The following TAS2R8 variants were observed in gnomAD, a reference collection of about 807,000 sequenced individuals.
TAS2R8 encodes the protein taste receptor type 2 member 8.
For missense variants in TAS2R8, 396 were observed against 358.1 expected (o/e 1.11, Z -0.85); for synonymous variants, 139 against 123.9 (o/e 1.12, Z -0.81).
Position 10,806,588 on chromosome 12 carries a change from G to A in TAS2R8, c.393C>T (p.His131=). Residue 131 remains histidine (H), a synonymous_variant, in exon 1 of 1, where the codon CAC becomes CAT. Transcript: ENST00000240615. ...TGGCAAAGCATCCCAGCAGGATCCA[G>A]TGCACCACCATATCAATTTTCCACT... ...WLKWKIDMVV[H]WILLGCFAIS... is the part of the protein sequence containing the mutation. 6.2e-7 allele frequency: 1 copy of A among 1,613,902 alleles called. No individual in the cohort carries two copies. The highest frequency in any genetic ancestry group is 8.5e-7 in the Non-Finnish European group (1 of 1,179,906).
Position 10,806,486 on chromosome 12 carries a change from T to C in TAS2R8, c.495A>G (p.Lys165=), listed in dbSNP as rs914388228. The C allele has an allele frequency of 6.8e-6, 11 of 1,613,760 alleles. No homozygotes were observed. Among genetic ancestry groups the C allele is most frequent in the African/African-American group, 1.3e-5 (1 of 74,902 alleles). ...DYRFHAIAKH[K]RNITEMFHVS... The stretch of plus-strand genomic sequence containing the variant: ...CATGGAACATTTCAGTAATGTTTCT[T>C]TTATGTTTGGCAATTGCATGAAACC... Residue 165 remains lysine, a synonymous_variant, in exon 1 of 1, where the codon AAA becomes AAG. Coordinates refer to ENST00000240615, the MANE Select transcript of TAS2R8 (RefSeq NM_023918.3).
Position 10,807,157 on chromosome 12 carries a change from C to T in TAS2R8, c.-177G>A, listed in dbSNP as rs1948732816. 1 of 577,200 alleles carries T rather than the reference C, an allele frequency of 1.7e-6. No homozygotes were observed. Among genetic ancestry groups the T allele is most frequent in the Admixed American group, 3.4e-5 (1 of 29,080 alleles). 35.8% of individuals were successfully genotyped at this position (577,200 alleles called of 1,614,324 possible). A position where few individuals can be genotyped will look rare whatever the true frequency, so the allele number is the denominator to read the frequency against. ...CAGCTCTCCTCTGAAATAGGATTGT[C>T]TCTACACTCCTGAAGATGAAACCAA... On this transcript the variant is annotated 5_prime_UTR_variant, in exon 1 of 1. Coordinates refer to ENST00000240615, the MANE Select transcript of TAS2R8 (RefSeq NM_023918.3).
At position 10,806,453 on chromosome 12, in the gene TAS2R8, T is replaced by G; in HGVS notation, c.528A>C (p.Lys176Asn). ...RNITEMFHVSKIPYFEPLTLF... is the reference protein window; with the variant it reads ...RNITEMFHVSNIPYFEPLTLF... ...GAGTCAAGGGTTCAAAGTATGGTAT[T>G]TTACTCACATGGAACATTTCAGTAA... The change falls in exon 1 of 1, where the codon AAA becomes AAC. Residue 176 changes from lysine to asparagine, a missense_variant. By Grantham distance (94) the Lys-to-Asn change is moderately conservative. Transcript: ENST00000240615. The G allele has an allele frequency of 6.2e-7, 1 of 1,613,768 alleles. No individual in the cohort carries two copies. Among genetic ancestry groups the G allele is most frequent in the Non-Finnish European group, 8.5e-7 (1 of 1,179,840 alleles).
In TAS2R8 at chr12:10,807,042, C is replaced by T. The variant is rs1222958249; in HGVS notation, c.-62G>A. ...GTAGATGAGCTAATTTACAGGTGAC[C>T]TGTTAAAGCATGATAGATCAATTCT... On this transcript the variant is annotated 5_prime_UTR_variant, in exon 1 of 1. Coordinates refer to ENST00000240615, the MANE Select transcript of TAS2R8 (RefSeq NM_023918.3). The T allele has an allele frequency of 7.7e-7, 1 of 1,305,182 alleles. No individual in the cohort carries two copies. Among genetic ancestry groups the T allele is most frequent in the South Asian group, 1.4e-5 (1 of 71,686 alleles). The allele number at this position is 1,305,182 out of a possible 1,614,324, so 80.9% of individuals were successfully genotyped here.
At position 10,806,271 on chromosome 12, in the gene TAS2R8, A is replaced by G. The variant is rs765014410; in HGVS notation, c.710T>C (p.Met237Thr). The change falls in exon 1 of 1, where the codon ATG (methionine) becomes ACG (threonine). Residue 237 changes from methionine (M) to threonine (T), a missense_variant. Physicochemically the swap from Met to Thr is moderately conservative, Grantham distance 81. Coordinates refer to ENST00000240615, the MANE Select transcript of TAS2R8 (RefSeq NM_023918.3). ...TEVHVRAIKT[M>T]TSFIFFFFLY... is the part of the protein sequence containing the mutation. ...GAAAAAAAAGAAGATAAATGAAGTC[A>G]TAGTTTTAATGGCTCTCACATGAAC... The G allele has an allele frequency of 5.6e-6, 9 of 1,613,398 alleles. No homozygotes were observed. The highest frequency in any genetic ancestry group is 3.3e-4 in the Middle Eastern group (2 of 6,072).
chr12:10,806,809 A>G lies in TAS2R8; in HGVS notation c.172T>C (p.Leu58=). 1 of 1,613,882 alleles carries G rather than the reference A, an allele frequency of 6.2e-7. No individual in the cohort carries two copies. The highest frequency in any genetic ancestry group is 8.5e-7 in the Non-Finnish European group (1 of 1,179,892). Reference sequence around the variant, plus strand: ...CCATTTACAACCATTACACTGATCAAACAAATTCTGGCGATAACTAAATTG... The same window carrying G: ...CCATTTACAACCATTACACTGATCAGACAAATTCTGGCGATAACTAAATTG... ...LTNLVIARIC[L]ISVMVVNGIV... The change falls in exon 1 of 1, where the codon TTG becomes CTG. Residue 58 remains leucine, a synonymous_variant. Transcript: ENST00000240615.
rs2537817 is a variant in TAS2R8, at chr12:10,806,059, T to C, written c.922A>G (p.Met308Val). ...TTTATACAGCTAAGATTTCATATCATGCAGGCAATTTTTCTACATGTCAGC... is the reference window on the plus strand; with the variant it reads ...TTTATACAGCTAAGATTTCATATCACGCAGGCAATTTTTCTACATGTCAGC... ...RMLTCRKIAC[M>V]I The change falls in exon 1 of 1, where the codon ATG becomes GTG. Residue 308 changes from methionine (M) to valine (V), a missense_variant. Physicochemically the swap from Met to Val is conservative, Grantham distance 21. Transcript: ENST00000240615. The C allele has an allele frequency of 0.98, 1,548,235 of 1,587,342 alleles. 760,425 individuals carry two copies. The highest frequency in any genetic ancestry group is 1 in the East Asian group (44,635 of 44,636).
At position 10,806,295 on chromosome 12, in the gene TAS2R8, A is replaced by C. The variant is rs1948722363; in HGVS notation, c.686T>G (p.Val229Gly). 1 of 1,613,584 alleles carries C rather than the reference A, an allele frequency of 6.2e-7. No individual in the cohort carries two copies. Among genetic ancestry groups the C allele is most frequent in the African/African-American group, 1.3e-5 (1 of 74,880 alleles). ...ATGSRDPSTEVHVRAIKTMTS... is the reference protein window; with the variant it reads ...ATGSRDPSTEGHVRAIKTMTS... Reference sequence around the variant, plus strand: ...CATAGTTTTAATGGCTCTCACATGAACTTCTGTGCTGGGGTCTCTACTGCC... The same window carrying C: ...CATAGTTTTAATGGCTCTCACATGACCTTCTGTGCTGGGGTCTCTACTGCC... The change falls in exon 1 of 1, where the codon GTT becomes GGT. Residue 229 changes from valine (V) to glycine (G), a missense_variant. Val to Gly is a moderately radical substitution (Grantham distance 109, BLOSUM62 -3). Transcript: ENST00000240615.
In TAS2R8 at chr12:10,806,281, T is replaced by C; in HGVS notation, c.700A>G (p.Ile234Val). ...DPSTEVHVRA[I>V]KTMTSFIFFF... is the part of the protein sequence containing the mutation. The stretch of plus-strand genomic sequence containing the variant: ...AAGATAAATGAAGTCATAGTTTTAA[T>C]GGCTCTCACATGAACTTCTGTGCTG... The change falls in exon 1 of 1, where the codon ATT (isoleucine) becomes GTT (valine). Residue 234 changes from isoleucine to valine, a missense_variant. Ile to Val is a conservative substitution (Grantham distance 29). Transcript: ENST00000240615. The C allele has an allele frequency of 1.2e-6, 2 of 1,613,706 alleles. No individual in the cohort carries two copies. Among genetic ancestry groups the C allele is most frequent in the Middle Eastern group, 3.3e-4 (2 of 6,054 alleles).
rs1446207515 is a variant in TAS2R8, at chr12:10,806,534, T to C, written c.447A>G (p.Ala149=). The C allele has an allele frequency of 1.9e-6, 3 of 1,613,918 alleles. No individual in the cohort carries two copies. Among genetic ancestry groups the C allele is most frequent in the Non-Finnish European group, 2.5e-6 (3 of 1,179,936 alleles). ...ACCTATAATCACAACTCAGTACTAT[T>C]GCTGCTATAAGGCTGACCAACAAGG... The part of the protein sequence containing the change: ...AISLLVSLIA[A]IVLSCDYRFH... Residue 149 remains alanine (A), a synonymous_variant, in exon 1 of 1, where the codon GCA becomes GCG. Coordinates refer to ENST00000240615, the MANE Select transcript of TAS2R8 (RefSeq NM_023918.3).
In TAS2R8 at chr12:10,806,157, A is replaced by G; in HGVS notation, c.824T>C (p.Ile275Thr). The G allele has an allele frequency of 6.2e-7, 1 of 1,613,486 alleles. No homozygotes were observed. The highest frequency in any genetic ancestry group is 2.2e-5 in the East Asian group (1 of 44,846). The change falls in exon 1 of 1, where the codon ATT (isoleucine) becomes ACT (threonine). Residue 275 changes from isoleucine to threonine, a missense_variant. Transcript: ENST00000240615. ...LAVEFGEIAA[I>T]LYPLGHSLIL... ...AAGTGAGTGACCCAAGGGGTAGAGAATTGCTGCAATCTCTCCAAACTCCAC... is the reference window on the plus strand; with the variant it reads ...AAGTGAGTGACCCAAGGGGTAGAGAGTTGCTGCAATCTCTCCAAACTCCAC...
At position 10,806,461 on chromosome 12, in the gene TAS2R8, C is replaced by T. The variant is rs1298314528; in HGVS notation, c.520G>A (p.Val174Met). The T allele has an allele frequency of 1.2e-6, 2 of 1,613,748 alleles. No individual in the cohort carries two copies. Among genetic ancestry groups the T allele is most frequent in the East Asian group, 4.5e-5 (2 of 44,852 alleles). The change falls in exon 1 of 1, where the codon GTG becomes ATG. Residue 174 changes from valine to methionine, a missense_variant. Val to Met is a conservative substitution (Grantham distance 21). Coordinates refer to ENST00000240615, the MANE Select transcript of TAS2R8 (RefSeq NM_023918.3). ...GGTTCAAAGTATGGTATTTTACTCA[C>T]ATGGAACATTTCAGTAATGTTTCTT... ...HKRNITEMFHVSKIPYFEPLT... is the reference protein window; with the variant it reads ...HKRNITEMFHMSKIPYFEPLT...
chr12:10,807,202 G>T lies in TAS2R8; in HGVS notation c.-222C>A. 1 of 458,016 alleles carries T rather than the reference G, an allele frequency of 2.2e-6. No individual in the cohort carries two copies. Among genetic ancestry groups the T allele is most frequent in the Non-Finnish European group, 3.8e-6 (1 of 262,292 alleles). 28.4% of individuals were successfully genotyped at this position (458,016 alleles called of 1,614,324 possible). ...AACCAACTAATGAGCAGCTTGACTA[G>T]TTATTTATAGCCTGGAAAAATTATA... On this transcript the variant is annotated 5_prime_UTR_variant, in exon 1 of 1. Transcript: ENST00000240615.
rs747685889 is a variant in TAS2R8, at chr12:10,806,530, C to T, written c.451G>A (p.Val151Ile). ...SLLVSLIAAI[V>I]LSCDYRFHAI... ...TGAAACCTATAATCACAACTCAGTA[C>T]TATTGCTGCTATAAGGCTGACCAAC... The change falls in exon 1 of 1, where the codon GTA (valine) becomes ATA (isoleucine). Residue 151 changes from valine to isoleucine, a missense_variant. By Grantham distance (29) the Val-to-Ile change is conservative. Transcript: ENST00000240615. 8 of 1,613,720 alleles carry T rather than the reference C, an allele frequency of 5.0e-6. No homozygotes were observed. In the African/African-American group the frequency reaches 9.3e-5, roughly 19 times the overall value.
At position 10,807,012 on chromosome 12, in the gene TAS2R8, T is replaced by C; in HGVS notation, c.-32A>G. The stretch of plus-strand genomic sequence containing the variant: ...AGAGAGAACAATCTGATTTCAAATA[T>C]CACTGTAGATGAGCTAATTTACAGG... On this transcript the variant is annotated 5_prime_UTR_variant, in exon 1 of 1. Transcript: ENST00000240615. 6.6e-7 allele frequency: 1 copy of C among 1,520,972 alleles called. No individual in the cohort carries two copies. The highest frequency in any genetic ancestry group is 1.4e-5 in the African/African-American group (1 of 72,548). 94.2% of individuals were successfully genotyped at this position (1,520,972 alleles called of 1,614,324 possible).
At position 10,806,935 on chromosome 12, in the gene TAS2R8, C is replaced by T. The variant is rs41324347; in HGVS notation, c.46G>A (p.Glu16Lys). 1.2e-6 allele frequency: 2 copies of T among 1,611,490 alleles called. No homozygotes were observed. Among genetic ancestry groups the T allele is most frequent in the Non-Finnish European group, 1.7e-6 (2 of 1,179,440 alleles). The change falls in exon 1 of 1, where the codon GAA (glutamate) becomes AAA (lysine). Residue 16 changes from glutamate to lysine, a missense_variant. Glu to Lys is a moderately conservative substitution (Grantham distance 56). Coordinates refer to ENST00000240615, the MANE Select transcript of TAS2R8 (RefSeq NM_023918.3). Reference sequence around the variant, plus strand: ...TTCCCCAATATTCCTAGTATGAATTCTCCAGTTATTAGGATTATAAAGATG... The same window carrying T: ...TTCCCCAATATTCCTAGTATGAATTTTCCAGTTATTAGGATTATAAAGATG... Reference protein sequence around the residue: ...DNIFIILITGEFILGILGNGY... With the variant: ...DNIFIILITGKFILGILGNGY...
At chr12:10,806,355 C>T in the TAS2R8 span, 1 of 1,613,652 alleles carries the variant, frequency 6.2e-7, no homozygotes, top group African/African-American at 1.3e-5. Flanking sequence ...GGTATGTCTC[C>T]ATAAAGATCT....
chr12:10,807,094 T>C lies in TAS2R8; in HGVS notation c.-114A>G. 23 of 867,954 alleles carry C rather than the reference T, an allele frequency of 2.6e-5. 2 individuals are homozygous for C. In the South Asian group the frequency reaches 3.3e-4, roughly 13 times the overall value. 53.8% of individuals were successfully genotyped at this position (867,954 alleles called of 1,614,324 possible). A position where few individuals can be genotyped will look rare whatever the true frequency, so the allele number is the denominator to read the frequency against. Reference sequence around the variant, plus strand: ...CGAATCATGCAATAATGTTTTCATCTGCTGTTATTTCGACGTTGTTATTCT... The same window carrying C: ...CGAATCATGCAATAATGTTTTCATCCGCTGTTATTTCGACGTTGTTATTCT... On this transcript the variant is annotated 5_prime_UTR_variant, in exon 1 of 1. Transcript: ENST00000240615.
At position 10,806,202 on chromosome 12, in the gene TAS2R8, A is replaced by G. The variant is rs1341590057; in HGVS notation, c.779T>C (p.Met260Thr). ...SSILMTFSYLMTKYKLAVEFG... is the reference protein window; with the variant it reads ...SSILMTFSYLTTKYKLAVEFG... ...CTCCACAGCTAACTTGTATTTTGTC[A>G]TAAGATAGCTAAAGGTCATCAAAAT... Residue 260 changes from methionine (M) to threonine (T), a missense_variant, in exon 1 of 1, where the codon ATG becomes ACG. Coordinates refer to ENST00000240615, the MANE Select transcript of TAS2R8 (RefSeq NM_023918.3). 3.1e-6 allele frequency: 5 copies of G among 1,613,632 alleles called. No homozygotes were observed. In the Admixed American group the frequency reaches 6.7e-5, roughly 22 times the overall value.
Sources: allele counts gnomAD v4.1 joint callset, GRCh38; gene constraint gnomAD v4.1.1; transcripts MANE v1.5; gene names NCBI Gene and HGNC (gene_info 2026-07-23, HGNC 2026-07-21).